The following EFTUD2 variants were observed in gnomAD, a reference collection of about 807,000 sequenced individuals.
EFTUD2 encodes the protein 116 kDa U5 small nuclear ribonucleoprotein component.
In EFTUD2, 9 loss-of-function variants were observed where a neutral mutation model predicts 114.3. That is an observed-to-expected ratio of 0.08 (90% CI 0.05 to 0.14). The LOEUF (loss-of-function observed/expected upper bound fraction) is 0.14, where lower values mean the gene tolerates loss of function less well. Among genes scored for constraint, EFTUD2 ranks in the 10% least tolerant of loss-of-function variants. The pLI is 1.00. For missense variants in EFTUD2, 765 were observed against 1,241.2 expected (o/e 0.62, Z 5.76); for synonymous variants, 449 against 462.3 (o/e 0.97, Z 0.37).
Position 44,850,294 on chromosome 17 carries a change from T to G in EFTUD2, c.*980A>C. 6.4e-7 allele frequency: 1 copy of G among 1,568,222 alleles called. No homozygotes were observed. The highest frequency in any genetic ancestry group is 8.7e-7 in the Non-Finnish European group (1 of 1,145,864). On this transcript the variant is annotated 3_prime_UTR_variant, in exon 28 of 28. Coordinates refer to ENST00000426333, the MANE Select transcript of EFTUD2 (RefSeq NM_004247.4). The stretch of plus-strand genomic sequence containing the variant: ...GAGAGCCAGAGGACGGGTGAAGGGT[T>G]TGATGCCAAGGGGCATTATTTCTTT...
chr17:44,876,868 A>AAAAAAC (rs2050964689), intron 9 of EFTUD2, among the ~76,000 whole-genome samples: 1 of 150,160 alleles, frequency 6.7e-6, no homozygotes, highest in Non-Finnish European at 1.5e-5. Flanking sequence ...AAAAAAAAAA[A>AAAAAAC]AAAAAAAAAA....
chr17:44,892,631 CTTTTTTTTT>C (rs967860195), intron 2 of EFTUD2, among the ~76,000 whole-genome samples: 2 of 101,376 alleles, frequency 2.0e-5, no homozygotes, highest in African/African-American at 7.9e-5. Context: ...ACTGTAAAAC[CTTTTTTTTT>C]TTTTTTTTTT....
Position 44,894,140 on chromosome 17 carries a change from C to G in EFTUD2, c.105+277G>C, listed in dbSNP as rs577110914. ...CCTGTAATCCTAGCAGTTTGGGAGG[C>G]CAAGGCAGGTGGACTGCTCGAGCTC... On this transcript the variant is annotated intron_variant, in intron 2 of 27. Transcript: ENST00000426333. 4 of 319,964 alleles carry G rather than the reference C, an allele frequency of 1.3e-5. No homozygotes were observed. The East Asian group carries it at 2.6e-4, about 21-fold the overall frequency. 19.8% of individuals were successfully genotyped at this position (319,964 alleles called of 1,614,324 possible).
chr17:44,851,126 G>A lies in EFTUD2; in HGVS notation c.*148C>T. On this transcript the variant is annotated 3_prime_UTR_variant, in exon 28 of 28. Transcript: ENST00000426333. ...TGCTCCTCTCTCACTGGGGCTCTGG[G>A]TTGGAGGTTGGTGAGTTGTTCAAGA... 1 of 687,374 alleles carries A rather than the reference G, an allele frequency of 1.5e-6. No homozygotes were observed. The highest frequency in any genetic ancestry group is 2.0e-5 in the Admixed American group (1 of 50,286). The allele number at this position is 687,374 out of a possible 1,614,324, so 42.6% of individuals were successfully genotyped here.
intron 18 of EFTUD2, chr17:44,859,681 A>C: frequency 5.0e-6 from 3 of 599,968 alleles, no homozygotes; most frequent in Non-Finnish European, 5.8e-6. Context: ...TATACCCCCC[A>C]TCACTGCCCC....
chr17:44,882,833 A>T (rs1457218563), intron 6 of EFTUD2, among the ~76,000 whole-genome samples: 1 of 152,198 alleles, frequency 6.6e-6, no homozygotes, highest in African/African-American at 2.4e-5. Context: ...AGACTATAAA[A>T]GTCAGGATAT....
At chr17:44,869,392 T>C (rs1418382918) in intron 11 of EFTUD2, among the ~76,000 whole-genome samples, 2 of 152,134 alleles carry the variant, frequency 1.3e-5, no homozygotes, top group Admixed American at 6.6e-5. Context: ...TCGACCTTCC[T>C]GGCTCATGCA....
intron 20 of EFTUD2, among the ~76,000 whole-genome samples, chr17:44,855,376 C>T (rs1055373234): frequency 6.6e-6 from 1 of 152,166 alleles, no homozygotes; most frequent in African/African-American, 2.4e-5. Context: ...CCCTGGCCAA[C>T]ATGGTGAAAC....
chr17:44,854,893 C>G lies in EFTUD2; in HGVS notation c.2132+25G>C. The stretch of plus-strand genomic sequence containing the variant: ...TGTGGCATCCCTGCCTCCTTTCGAC[C>G]CTGGCGTCAGAGCCCTGTTCTCACC... On this transcript the variant is annotated intron_variant, in intron 21 of 27. Coordinates refer to ENST00000426333, the MANE Select transcript of EFTUD2 (RefSeq NM_004247.4). The surrounding 1 kb of genome is among the most constrained non-coding windows in gnomAD (Gnocchi z 4.3). The G allele has an allele frequency of 6.2e-7, 1 of 1,611,728 alleles. No individual in the cohort carries two copies. Among genetic ancestry groups the G allele is most frequent in the Non-Finnish European group, 8.5e-7 (1 of 1,177,890 alleles).
chr17:44,862,631 G>A, intron 16 of EFTUD2, 82 bp downstream of exon 16: 1 of 1,369,646 alleles, frequency 7.3e-7, no homozygotes, highest in Non-Finnish European at 1.0e-6. Context: ...CTACTTCCAA[G>A]GAGGATCACT....
At chr17:44,894,778 T>A (rs141848215) in intron 1 of EFTUD2, among the ~76,000 whole-genome samples, 1 of 152,156 alleles carries the variant, frequency 6.6e-6, no homozygotes, top group Non-Finnish European at 1.5e-5. Flanking sequence ...GAGAGTTGAA[T>A]AGGCAAGAAG....
chr17:44,881,018 A>T (rs2051063230), intron 7 of EFTUD2, among the ~76,000 whole-genome samples: 1 of 152,234 alleles, frequency 6.6e-6, no homozygotes, highest in Non-Finnish European at 1.5e-5. Flanking sequence ...AAAAAGAAAT[A>T]TAAAAGCTAT....
intron 6 of EFTUD2, among the ~76,000 whole-genome samples, chr17:44,882,319 T>C (rs1010171423): frequency 6.6e-6 from 1 of 151,924 alleles, no homozygotes; most frequent in Admixed American, 6.6e-5. Flanking sequence ...TGGCATAATC[T>C]TGGCTCACTG....
At chr17:44,892,406 T>A (rs1420287260) in intron 2 of EFTUD2, 1 of 152,184 alleles carries the variant, frequency 6.6e-6, no homozygotes, top group Non-Finnish European at 1.5e-5. Flanking sequence ...GGTGACCCAT[T>A]AATCAAAAAT....
chr17:44,869,473 A>C (rs772536090), intron 11 of EFTUD2, among the ~76,000 whole-genome samples: 4 of 151,872 alleles, frequency 2.6e-5, no homozygotes, highest in Non-Finnish European at 4.4e-5. Context: ...TAATTTTTAA[A>C]ATTTTTTGTA....
intron 2 of EFTUD2, among the ~76,000 whole-genome samples, chr17:44,893,292 T>C (rs2051315858): frequency 6.6e-6 from 1 of 152,108 alleles, no homozygotes; most frequent in Non-Finnish European, 1.5e-5. Context: ...CTGGCTAATA[T>C]TTGTATTTTT....
Position 44,862,694 on chromosome 17 carries a change from G to A in EFTUD2, c.1607+19C>T. ...GGATAGACACCAAGGCATACTCCTG[G>A]GGCTCTGGTTGGCAGTACCTGGCCA... is the stretch of plus-strand genomic sequence containing the variant. On this transcript the variant is annotated intron_variant, in intron 16 of 27. Transcript: ENST00000426333. 4 of 1,607,156 alleles carry A rather than the reference G, an allele frequency of 2.5e-6. No individual in the cohort carries two copies. The highest frequency in any genetic ancestry group is 3.4e-6 in the Non-Finnish European group (4 of 1,175,924).
Position 44,862,787 on chromosome 17 carries a change from C to T in EFTUD2, c.1533G>A (p.Gly511=). Residue 511 remains glycine, a synonymous_variant, in exon 16 of 28, where the codon GGG becomes GGA. Coordinates refer to ENST00000426333, the MANE Select transcript of EFTUD2 (RefSeq NM_004247.4). ...CCTCATCCTCCAGGGTGTAGTTCTC[C>T]CCCAGTACCTTCACAGGCTGCCCAG... ...IHAGQPVKVL[G]ENYTLEDEED... 1 of 1,613,832 alleles carries T rather than the reference C, an allele frequency of 6.2e-7. No individual in the cohort carries two copies. Among genetic ancestry groups the T allele is most frequent in the Non-Finnish European group, 8.5e-7 (1 of 1,179,890 alleles).
intron 11 of EFTUD2, among the ~76,000 whole-genome samples, chr17:44,869,455 C>T (rs1014909465): frequency 7.2e-5 from 11 of 152,100 alleles, no homozygotes; most frequent in African/African-American, 2.4e-4. Flanking sequence ...TGCGCCATCA[C>T]GGCCAGCTAA....
Sources: gnomAD v4.1 joint callset for allele counts (sites outside exome capture counted in the v4.1 genomes callset) on GRCh38, gnomAD v4.1.1 for gene constraint, Gnocchi (gnomAD v3.1) non-coding constraint, MANE v1.5 for transcripts, NCBI Gene and HGNC (gene_info 2026-07-23, HGNC 2026-07-21) for gene names.